Variants in RNF157 observed in about 807,000 individuals in gnomAD.
RNF157 encodes E3 ubiquitin ligase RNF157.
In RNF157, 55 loss-of-function variants were observed where a neutral mutation model predicts 88.3. That is an observed-to-expected ratio of 0.62 (90% CI 0.50 to 0.78). The LOEUF (loss-of-function observed/expected upper bound fraction) is 0.78, where lower values mean the gene tolerates loss of function less well. Ranked by LOEUF, RNF157 falls within the 30% of genes least tolerant of loss-of-function variation. The pLI, the probability that RNF157 is intolerant of heterozygous loss-of-function variation, is 0.00. For synonymous variants in RNF157, 334 were observed against 341.2 expected (o/e 0.98, Z 0.23); for missense variants, 788 against 860.8 (o/e 0.92, Z 1.06).
chr17:76,198,732 C>T (rs766791025), intron 2 of RNF157, among the ~76,000 whole-genome samples: 1 of 152,234 alleles, frequency 6.6e-6, no homozygotes, highest in Non-Finnish European at 1.5e-5. Flanking sequence ...AATGTGTCTT[C>T]TGTGAGCCCC....
intron 8 of RNF157, 80 bp downstream of exon 8, chr17:76,164,668 A>G: frequency 1.3e-6 from 1 of 787,738 alleles, no homozygotes; most frequent in Non-Finnish European, 2.0e-6. Context: ...ATAAAAAAAG[A>G]GGGAGAGAGA....
At chr17:76,188,348 T>C (rs1412072606) in intron 2 of RNF157, among the ~76,000 whole-genome samples, 1 of 152,156 alleles carries the variant, frequency 6.6e-6, no homozygotes, top group African/African-American at 2.4e-5. Flanking sequence ...ACATCCTTCA[T>C]CACCTCCAAT....
At chr17:76,226,596 A>G (rs1208789337) in intron 1 of RNF157, 2 of 1,613,514 alleles carry the variant, frequency 1.2e-6, no homozygotes, top group Non-Finnish European at 1.7e-6. Context: ...CTGTTGTTGG[A>G]GGGACTGACC....
chr17:76,201,405 G>A (rs2069576170), intron 2 of RNF157, among the ~76,000 whole-genome samples: 1 of 151,880 alleles, frequency 6.6e-6, no homozygotes, highest in Admixed American at 6.6e-5. Context: ...CCAGCTACCA[G>A]GAAGGCTGAG....
Position 76,173,776 on chromosome 17 carries a change from G to T in RNF157, c.222C>A (p.Ala74=), listed in dbSNP as rs1462241064. ...TCTTCACGGGTTCTTGGGGAGGTGG[G>T]GCGGCGTAAGGAAACTGTGTCAGAA... ...GNRPVVFPYA[A]PPPQEPVKTL... The change falls in exon 3 of 19, where the codon GCC becomes GCA. Residue 74 remains alanine, a synonymous_variant. Transcript: ENST00000269391. 6.2e-7 allele frequency: 1 copy of T among 1,609,546 alleles called. No individual in the cohort carries two copies. The highest frequency in any genetic ancestry group is 8.5e-7 in the Non-Finnish European group (1 of 1,177,414).
intron 1 of RNF157, among the ~76,000 whole-genome samples, chr17:76,239,093 G>A (rs1391199657): frequency 6.6e-6 from 1 of 152,152 alleles, no homozygotes; most frequent in African/African-American, 2.4e-5. Flanking sequence ...CTCCAATTCT[G>A]ACACCTCATT....
intron 2 of RNF157, among the ~76,000 whole-genome samples, chr17:76,194,768 C>A (rs1041669925): frequency 5.3e-5 from 8 of 152,146 alleles, no homozygotes; most frequent in African/African-American, 1.9e-4. Context: ...GTAATCCCAG[C>A]ACTTTGGGAG....
chr17:76,188,931 A>G (rs1476341774), intron 2 of RNF157, among the ~76,000 whole-genome samples: 1 of 152,226 alleles, frequency 6.6e-6, no homozygotes, highest in African/African-American at 2.4e-5. Flanking sequence ...TTTCTTTCCC[A>G]AAGTCTATAA....
chr17:76,162,636 C>T lies in RNF157; in HGVS notation c.721-13G>A. The T allele has an allele frequency of 6.2e-7, 1 of 1,604,834 alleles. No individual in the cohort carries two copies. Among genetic ancestry groups the T allele is most frequent in the Non-Finnish European group, 8.5e-7 (1 of 1,174,220 alleles). ...TGACCCCGTCTACCTGAACAGCAAA[C>T]AGAAAGGTTCAAGGACAGGCTGTCT... is the stretch of plus-strand genomic sequence containing the variant. On this transcript the variant is annotated splice_polypyrimidine_tract_variant and intron_variant, in intron 8 of 18. Coordinates refer to ENST00000269391, the MANE Select transcript of RNF157 (RefSeq NM_052916.3).
chr17:76,145,899 C>T (rs976157583), intron 18 of RNF157, among the ~76,000 whole-genome samples: 4 of 152,110 alleles, frequency 2.6e-5, no homozygotes, highest in Non-Finnish European at 5.9e-5. Context: ...CTCCAGTCCC[C>T]GTCACCTGCC....
chr17:76,161,494 G>T lies in RNF157; in HGVS notation c.1065+41C>A. 1 of 1,405,872 alleles carries T rather than the reference G, an allele frequency of 7.1e-7. No homozygotes were observed. Among genetic ancestry groups the T allele is most frequent in the Non-Finnish European group, 1.0e-6 (1 of 990,190 alleles). 87.1% of individuals were successfully genotyped at this position (1,405,872 alleles called of 1,614,324 possible). ...TGAAAAGTTTAAAAAAGCCAATGAG[G>T]CATTTGCTTCAGAGGGGCCGTGGTT... On this transcript the variant is annotated intron_variant, in intron 11 of 18. Coordinates refer to ENST00000269391, the MANE Select transcript of RNF157 (RefSeq NM_052916.3). This position sits in a 1 kb window ranked among gnomAD's most constrained non-coding sequence, Gnocchi z 4.6.
At chr17:76,172,873 G>C (rs1025904646) in intron 3 of RNF157, among the ~76,000 whole-genome samples, 4 of 151,986 alleles carry the variant, frequency 2.6e-5, no homozygotes, top group African/African-American at 9.7e-5. Flanking sequence ...AAATTACACT[G>C]TCTCAAGGAT....
intron 7 of RNF157, among the ~76,000 whole-genome samples, chr17:76,165,078 A>G (rs1207017629): frequency 6.6e-6 from 1 of 152,204 alleles, no homozygotes; most frequent in Non-Finnish European, 1.5e-5. Context: ...ACTTTATCAT[A>G]GGTGTGGATG....
chr17:76,218,352 G>A (rs767849383), intron 1 of RNF157, among the ~76,000 whole-genome samples: 2 of 152,176 alleles, frequency 1.3e-5, no homozygotes, highest in Admixed American at 6.5e-5. Context: ...TAAGGAATAA[G>A]CTTCCAGGCC....
At chr17:76,165,593 T>G in intron 6 of RNF157, 48 bp from the exon 7 acceptor site, 1 of 1,600,532 alleles carries the variant, frequency 6.2e-7, no homozygotes, top group East Asian at 2.2e-5. Flanking sequence ...ACAGCACATC[T>G]TGATGCCCAT....
intron 2 of RNF157, among the ~76,000 whole-genome samples, chr17:76,210,400 C>T (rs575620888): frequency 1.9e-4 from 29 of 151,680 alleles, no homozygotes; most frequent in East Asian, 3.9e-4. Flanking sequence ...ACCATCCTGG[C>T]TAACACAGTG....
chr17:76,169,438 T>A (rs2068978590), intron 3 of RNF157, among the ~76,000 whole-genome samples: 1 of 152,136 alleles, frequency 6.6e-6, no homozygotes, highest in Non-Finnish European at 1.5e-5. Context: ...TTTTTTTACT[T>A]TATTATTATT....
chr17:76,173,536 T>G (rs1170124429), intron 3 of RNF157, among the ~76,000 whole-genome samples, 166 bp downstream of exon 3: 1 of 152,142 alleles, frequency 6.6e-6, no homozygotes, highest in African/African-American at 2.4e-5. Flanking sequence ...GTGGACGGCC[T>G]GATCTCAGCA....
At chr17:76,165,419 G>A in intron 7 of RNF157, 83 bp downstream of exon 7, 1 of 1,414,966 alleles carries the variant, frequency 7.1e-7, no homozygotes, top group Non-Finnish European at 1.0e-6. Context: ...GCTGAGCTCA[G>A]GCACCCAGCA....
Sources: allele counts gnomAD v4.1 joint callset (sites outside exome capture counted in the v4.1 genomes callset), GRCh38; gene constraint gnomAD v4.1.1; non-coding constraint Gnocchi (gnomAD v3.1); transcripts MANE v1.5; gene names NCBI Gene and HGNC (gene_info 2026-07-23, HGNC 2026-07-21).